The following DMRT3 variants were observed in gnomAD, a reference collection of about 807,000 sequenced individuals.
DMRT3 encodes the protein doublesex and mab-3 related transcription factor 3, also known as doublesex- and mab-3-related transcription factor 3.
A neutral mutation model predicts 34.9 loss-of-function variants in DMRT3; 29 were observed. The observed-to-expected ratio is 0.83, with a 90% CI of 0.62 to 1.13. DMRT3 has a LOEUF of 1.13. DMRT3 is among the 50% of genes most tolerant of loss of function. The probability of loss-of-function intolerance (pLI) is 0.00; values close to 1 mark genes in which losing one functional copy is unlikely to be tolerated. For synonymous variants in DMRT3, 350 were observed against 286.0 expected (o/e 1.22, Z -2.26); for missense variants, 772 against 629.1 (o/e 1.23, Z -2.43).
chr9:990,280 A>G lies in DMRT3; in HGVS notation c.694A>G (p.Ile232Val), dbSNP rs1820338446. The G allele has an allele frequency of 7.4e-6, 12 of 1,613,560 alleles. No homozygotes were observed. The highest frequency in any genetic ancestry group is 1.0e-5 in the Non-Finnish European group (12 of 1,180,002). The change falls in exon 2 of 2, where the codon ATT (isoleucine) becomes GTT (valine). Residue 232 changes from isoleucine to valine, a missense_variant. Ile to Val is a conservative substitution (Grantham distance 29). Transcript: ENST00000190165. The stretch of plus-strand genomic sequence containing the variant: ...TCACGCGGAGCAGAATCACCTCCTG[A>G]TTGAGGGCCCCTCGGGGACTGTTTC... ...KCHAEQNHLL[I>V]EGPSGTVSLP...
chr9:989,919 T>A, intron 1 of DMRT3, 122 bp from the exon 2 acceptor site: 1 of 1,290,030 alleles, frequency 7.8e-7, no homozygotes, highest in South Asian at 1.5e-5. Flanking sequence ...GCTTGTAGTA[T>A]ATTATGACCC....
At chr9:987,822 T>C (rs1180378821) in intron 1 of DMRT3, among the ~76,000 whole-genome samples, 2 of 152,220 alleles carry the variant, frequency 1.3e-5, no homozygotes, top group African/African-American at 4.8e-5. Context: ...TGTCCATATT[T>C]ACATGGGGAG....
Position 977,421 on chromosome 9 carries a change from GC to G in DMRT3, c.423del (p.Ala143LeufsTer11). 7.9e-7 allele frequency: 1 copy of G among 1,271,142 alleles called. No individual in the cohort carries two copies. The highest frequency in any genetic ancestry group is 9.9e-7 in the Non-Finnish European group (1 of 1,010,630). The allele number at this position is 1,271,142 out of a possible 1,614,324, so 78.7% of individuals were successfully genotyped here. On this transcript the variant is annotated frameshift_variant, in exon 1 of 2. Transcript: ENST00000190165. LOFTEE classifies it high-confidence loss of function. ...CGCTGCGTTGGACTGCCGAGCCGCA[GC>G]CCGGGGCTCTGCAGGCGCAGCTCGC... The part of the protein sequence containing the change: ...AALRWTAEPQ[P>X]GALQAQLAKP...
At position 977,074 on chromosome 9, in the gene DMRT3, C is replaced by T; in HGVS notation, c.73C>T (p.Arg25Cys). ...GCAGCCGCCACGGGCGCCCCTGCAG[C>T]GCACGCCCAAGTGCGCGCGCTGCCG... ...VSQPPRAPLQ[R>C]TPKCARCRNH... Residue 25 changes from arginine (R) to cysteine (C), a missense_variant, in exon 1 of 2, where the codon CGC becomes TGC. By Grantham distance (180) the Arg-to-Cys change is radical. Coordinates refer to ENST00000190165, the MANE Select transcript of DMRT3 (RefSeq NM_021240.4). 1.3e-6 allele frequency: 2 copies of T among 1,590,454 alleles called. No individual in the cohort carries two copies. Among genetic ancestry groups the T allele is most frequent in the East Asian group, 2.3e-5 (1 of 43,214 alleles).
rs940625832 is a variant in DMRT3, at chr9:988,849, CGT to C, written c.455-1189_455-1188del. On this transcript the variant is annotated intron_variant, in intron 1 of 1. Coordinates refer to ENST00000190165, the MANE Select transcript of DMRT3 (RefSeq NM_021240.4). Reference sequence around the variant, plus strand: ...TGGCTTTGAGTAGCCACAGCCAGCGCGTGTTTCAAAAAAGGACAAAACTCTAT... The same window carrying C: ...TGGCTTTGAGTAGCCACAGCCAGCGCGTTTCAAAAAAGGACAAAACTCTAT... 2.5e-4 allele frequency among the ~76,000 whole-genome samples: 38 copies of C among 152,202 alleles called. 1 individual carries two copies. The highest frequency in any genetic ancestry group is 1.2e-3 in the East Asian group (6 of 5,184).
intron 1 of DMRT3, among the ~76,000 whole-genome samples, chr9:989,188 C>T (rs1820321264): frequency 6.6e-6 from 1 of 152,156 alleles, no homozygotes; most frequent in African/African-American, 2.4e-5. Context: ...TGAACTGTAC[C>T]AGCAAAACAG....
Position 990,734 on chromosome 9 carries a change from C to G in DMRT3, c.1148C>G (p.Pro383Arg). 6.2e-7 allele frequency: 1 copy of G among 1,614,156 alleles called. No homozygotes were observed. Among genetic ancestry groups the G allele is most frequent in the Non-Finnish European group, 8.5e-7 (1 of 1,180,032 alleles). Residue 383 changes from proline to arginine, a missense_variant, in exon 2 of 2, where the codon CCC becomes CGC. Physicochemically the swap from Pro to Arg is moderately radical, Grantham distance 103. Transcript: ENST00000190165. Reference protein sequence around the residue: ...RNTLARSQSSPFLPNDVTLWN... With the variant: ...RNTLARSQSSRFLPNDVTLWN... The stretch of plus-strand genomic sequence containing the variant: ...ACTTTGGCGAGAAGCCAGTCGAGCC[C>G]CTTTTTGCCCAATGATGTCACCCTG...
At chr9:989,550 A>G (rs1391522513) in intron 1 of DMRT3, among the ~76,000 whole-genome samples, 3 of 152,236 alleles carry the variant, frequency 2.0e-5, no homozygotes, top group Admixed American at 1.3e-4. Flanking sequence ...AAATCAGCCT[A>G]TGGGAAAATA....
rs994145609 is a variant in DMRT3, at chr9:976,727, G to A, written c.-275G>A. Among the ~76,000 whole-genome samples, 6 of 152,140 alleles carry A rather than the reference G, an allele frequency of 3.9e-5. No homozygotes were observed. Among genetic ancestry groups the A allele is most frequent in the Non-Finnish European group, 2.9e-5 (2 of 68,006 alleles). Reference sequence around the variant, plus strand: ...GCAGCCGCCGCAGCGCCTCCGCGAAGGAGGACGTGCCGACCCGGCTGCGCG... The same window carrying A: ...GCAGCCGCCGCAGCGCCTCCGCGAAAGAGGACGTGCCGACCCGGCTGCGCG... On this transcript the variant is annotated 5_prime_UTR_variant, in exon 1 of 2. Transcript: ENST00000190165. This position sits in a 1 kb window ranked among gnomAD's most constrained non-coding sequence, Gnocchi z 4.5.
chr9:982,988 A>G (rs1261025559), intron 1 of DMRT3, among the ~76,000 whole-genome samples: 1 of 152,174 alleles, frequency 6.6e-6, no homozygotes, highest in Non-Finnish European at 1.5e-5. Flanking sequence ...ATGCAGTGAT[A>G]GGACAGCTGG....
chr9:982,385 A>G (rs1820232863), intron 1 of DMRT3, among the ~76,000 whole-genome samples: 1 of 152,190 alleles, frequency 6.6e-6, no homozygotes, highest in Admixed American at 6.5e-5. Flanking sequence ...CCACCTCCAA[A>G]TCACTCCTTG....
chr9:982,162 A>G (rs1046521665), intron 1 of DMRT3, among the ~76,000 whole-genome samples: 1 of 152,228 alleles, frequency 6.6e-6, no homozygotes, highest in African/African-American at 2.4e-5. Flanking sequence ...TTCCTCACCC[A>G]GCCCCAGTAC....
chr9:991,160 T>C lies in DMRT3; in HGVS notation c.*155T>C, dbSNP rs1434191074. 9.6e-6 allele frequency: 10 copies of C among 1,044,814 alleles called. No individual in the cohort carries two copies. The highest frequency in any genetic ancestry group is 8.3e-5 in the South Asian group (5 of 60,178). The allele number at this position is 1,044,814 out of a possible 1,614,324, so 64.7% of individuals were successfully genotyped here. A position where few individuals can be genotyped will look rare whatever the true frequency, so the allele number is the denominator to read the frequency against. On this transcript the variant is annotated 3_prime_UTR_variant, in exon 2 of 2. Transcript: ENST00000190165. ...ACATTAGCAATAAAAACATAACTTATTTAACTTCTTGCACTTCACTGGAAA... is the reference window on the plus strand; with the variant it reads ...ACATTAGCAATAAAAACATAACTTACTTAACTTCTTGCACTTCACTGGAAA...
rs776887239 is a variant in DMRT3 at position 977,321 on chromosome 9, C to T, written c.320C>T (p.Pro107Leu). The change falls in exon 1 of 2, where the codon CCG becomes CTG. Residue 107 changes from proline to leucine, a missense_variant. By Grantham distance (98) the Pro-to-Leu change is moderately conservative. Transcript: ENST00000190165. ...CCGCCGGGGGACGCCGTCGCCGCCC[C>T]GCAGCCGCCGCCAGCCTCTCAGCCG... ...PPPPGDAVAA[P>L]QPPPASQPSQ... is the part of the protein sequence containing the mutation. The T allele has an allele frequency of 1.5e-6, 2 of 1,308,344 alleles. No individual in the cohort carries two copies. The highest frequency in any genetic ancestry group is 3.1e-5 in the African/African-American group (2 of 64,754). 81.0% of individuals were successfully genotyped at this position (1,308,344 alleles called of 1,614,324 possible).
chr9:977,190 G>C lies in DMRT3; in HGVS notation c.189G>C (p.Glu63Asp), dbSNP rs754119843. The C allele has an allele frequency of 2.5e-6, 4 of 1,610,002 alleles. No homozygotes were observed. The highest frequency in any genetic ancestry group is 3.4e-6 in the Non-Finnish European group (4 of 1,178,596). Residue 63 changes from glutamate (E) to aspartate (D), a missense_variant, in exon 1 of 2, where the codon GAG (glutamate) becomes GAC (aspartate). Coordinates refer to ENST00000190165, the MANE Select transcript of DMRT3 (RefSeq NM_021240.4). ...CTCEKCILII[E>D]RQRVMAAQVA... ...GCGAGAAGTGCATCCTCATCATCGAGCGGCAGCGGGTCATGGCTGCGCAGG... is the reference window on the plus strand; with the variant it reads ...GCGAGAAGTGCATCCTCATCATCGACCGGCAGCGGGTCATGGCTGCGCAGG...
Position 982,176 on chromosome 9 carries a change from C to T in DMRT3, c.454+4721C>T, listed in dbSNP as rs551617252. ...CTTCCTCACCCAGCCCCAGTACCCA[C>T]GCAGGGCACCCCTTGGCGGTGGGGT... On this transcript the variant is annotated intron_variant, in intron 1 of 1. Coordinates refer to ENST00000190165, the MANE Select transcript of DMRT3 (RefSeq NM_021240.4). Among the ~76,000 whole-genome samples, 5 of 152,374 alleles carry T rather than the reference C, an allele frequency of 3.3e-5. No individual in the cohort carries two copies. The South Asian group carries it at 6.2e-4, about 19-fold the overall frequency.
rs1171750286 is a variant in DMRT3, at chr9:990,995, C to G, written c.1409C>G (p.Thr470Arg). 6.2e-7 allele frequency: 1 copy of G among 1,610,046 alleles called. No individual in the cohort carries two copies. The change falls in exon 2 of 2, where the codon ACA becomes AGA. Residue 470 changes from threonine (T) to arginine (R), a missense_variant. Thr to Arg is a moderately conservative substitution (Grantham distance 71). Transcript: ENST00000190165. Reference sequence around the variant, plus strand: ...TCCTCAGACTCTAGAACACTCAACACATCATCTTAAAGTGGTGCTGGATGG... The same window carrying G: ...TCCTCAGACTCTAGAACACTCAACAGATCATCTTAAAGTGGTGCTGGATGG... ...SDSSDSRTLN[T>R]SS
intron 1 of DMRT3, among the ~76,000 whole-genome samples, chr9:983,335 G>C (rs1420806637): frequency 1.3e-5 from 2 of 152,144 alleles, no homozygotes; most frequent in Non-Finnish European, 1.5e-5. Context: ...GTTTAGTTCA[G>C]TATATATCTC....
rs1391166160 is a variant in DMRT3 at position 977,086 on chromosome 9, TGC to T, written c.92_93del (p.Arg31LeufsTer124). The part of the protein sequence containing the change: ...PRAPLQRTPK[C>X]ARCRNHGVLS... ...GGCGCCCCTGCAGCGCACGCCCAAG[TGC>T]GCGCGCTGCCGCAACCATGGCGTCC... On this transcript the variant is annotated frameshift_variant, in exon 1 of 2. Transcript: ENST00000190165. LOFTEE classifies it high-confidence loss of function. 1.9e-6 allele frequency: 3 copies of T among 1,597,694 alleles called. No homozygotes were observed. Among genetic ancestry groups the T allele is most frequent in the African/African-American group, 2.7e-5 (2 of 74,318 alleles).
Sources: allele counts gnomAD v4.1 joint callset (sites outside exome capture counted in the v4.1 genomes callset), GRCh38; gene constraint gnomAD v4.1.1; non-coding constraint Gnocchi (gnomAD v3.1); transcripts MANE v1.5; gene names NCBI Gene and HGNC (gene_info 2026-07-23, HGNC 2026-07-21).